Variants in PWP1 observed in about 807,000 individuals in gnomAD.
The protein encoded by PWP1 is PWP1 homolog, endonuclein.
PWP1 carries 47 observed loss-of-function variants against 69.9 expected under a neutral mutation model. The observed-to-expected ratio is 0.67, with a 90% CI of 0.53 to 0.86. The LOEUF (loss-of-function observed/expected upper bound fraction) is 0.86. PWP1 is among the 40% of genes least tolerant of loss of function. PWP1 has a pLI of 0.00. For missense variants in PWP1, 551 were observed against 608.8 expected (o/e 0.91, Z 1.00); for synonymous variants, 222 against 208.2 (o/e 1.07, Z -0.57).
chr12:107,703,328 A>G (rs1218705504), intron 9 of PWP1, among the ~76,000 whole-genome samples: 1 of 152,202 alleles, frequency 6.6e-6, no homozygotes, highest in Non-Finnish European at 1.5e-5. Flanking sequence ...GGTAACACCC[A>G]TTACTGTGTT....
chr12:107,707,226 T>C (rs1406953098), intron 11 of PWP1, among the ~76,000 whole-genome samples: 1 of 152,210 alleles, frequency 6.6e-6, no homozygotes, highest in African/African-American at 2.4e-5. Flanking sequence ...AGAATGCTTG[T>C]GATTTTTGCA....
At chr12:107,693,987 C>A (rs188552990) in intron 5 of PWP1, among the ~76,000 whole-genome samples, 2 of 152,286 alleles carry the variant, frequency 1.3e-5, no homozygotes, top group Non-Finnish European at 2.9e-5. Context: ...ACCTTTCTTA[C>A]TTAAGGAATA....
intron 8 of PWP1, 67 bp downstream of exon 8, chr12:107,699,501 C>T (rs375799398): frequency 1.9e-5 from 24 of 1,264,504 alleles, no homozygotes; most frequent in South Asian, 1.4e-4. Context: ...CTCATGCCTA[C>T]ACTCATCTCT....
chr12:107,690,302 C>T (rs186541650), intron 3 of PWP1, among the ~76,000 whole-genome samples: 2 of 152,256 alleles, frequency 1.3e-5, no homozygotes, highest in Non-Finnish European at 2.9e-5. Flanking sequence ...ATCGCTCAAG[C>T]CCAGGAGTTC....
chr12:107,698,038 T>TA (rs2136277914), intron 7 of PWP1, among the ~76,000 whole-genome samples: 1 of 152,340 alleles, frequency 6.6e-6, no homozygotes, highest in East Asian at 1.9e-4. Flanking sequence ...GCTATATTGA[T>TA]ACTTGTATAA....
chr12:107,693,873 T>TA (rs1381010697), intron 5 of PWP1, among the ~76,000 whole-genome samples: 2 of 152,338 alleles, frequency 1.3e-5, no homozygotes, highest in South Asian at 2.1e-4. Flanking sequence ...GTTTTTTAAA[T>TA]AGAGTTATTT....
chr12:107,686,620 T>G (rs999294995), intron 1 of PWP1, among the ~76,000 whole-genome samples: 1 of 152,154 alleles, frequency 6.6e-6, no homozygotes, highest in Non-Finnish European at 1.5e-5. Context: ...GGATACTAAG[T>G]GCTTTCTGTA....
At chr12:107,709,875 T>C (rs999115776) in intron 13 of PWP1, among the ~76,000 whole-genome samples, 4 of 152,136 alleles carry the variant, frequency 2.6e-5, no homozygotes, top group African/African-American at 9.7e-5. Flanking sequence ...AAGTGCATAA[T>C]TGCCTAAATG....
intron 9 of PWP1, 87 bp from the exon 10 acceptor site, chr12:107,703,598 C>A: frequency 8.9e-7 from 1 of 1,123,668 alleles, no homozygotes; most frequent in Non-Finnish European, 1.4e-6. Flanking sequence ...TATAGAAATA[C>A]TGTCAAATAG....
At chr12:107,698,104 G>A (rs1342327758) in intron 7 of PWP1, among the ~76,000 whole-genome samples, 1 of 152,138 alleles carries the variant, frequency 6.6e-6, no homozygotes. Flanking sequence ...GCTCACTCCT[G>A]TAATCCCAGC....
chr12:107,697,409 T>C, intron 6 of PWP1, 58 bp from the exon 7 acceptor site: 1 of 1,499,116 alleles, frequency 6.7e-7, no homozygotes, highest in Middle Eastern at 1.8e-4. Flanking sequence ...ATGTATTTGA[T>C]TAGAAGTTCT....
rs754348033 is a variant in PWP1, at chr12:107,692,884, T to C, written c.390T>C (p.Val130=). 1 of 1,614,046 alleles carries C rather than the reference T, an allele frequency of 6.2e-7. No individual in the cohort carries two copies. Among genetic ancestry groups the C allele is most frequent in the Non-Finnish European group, 8.5e-7 (1 of 1,179,928 alleles). Residue 130 remains valine, a synonymous_variant, in exon 4 of 15, where the codon GTT becomes GTC. Transcript: ENST00000412830. ...GGAGTAATGATCAAGATCCTTACGTTACTCTGAAAGATACAGTAAGTATTT... is the reference window on the plus strand; with the variant it reads ...GGAGTAATGATCAAGATCCTTACGTCACTCTGAAAGATACAGTAAGTATTT... ...VYGSNDQDPY[V]TLKDTEQYER...
intron 8 of PWP1, among the ~76,000 whole-genome samples, chr12:107,699,789 A>G (rs1429342820): frequency 6.6e-6 from 1 of 152,176 alleles, no homozygotes; most frequent in African/African-American, 2.4e-5. Flanking sequence ...ATACTCTTTT[A>G]TTCTTTTTTC....
At chr12:107,707,587 TTGAGAGTTTTAGCA>T in intron 11 of PWP1, among the ~76,000 whole-genome samples, 1 of 152,318 alleles carries the variant, frequency 6.6e-6, no homozygotes, top group South Asian at 2.1e-4. Flanking sequence ...ACCGAATTTA[TTGAGAGTTTTAGCA>T]TGAAGGGCTG....
Position 107,709,196 on chromosome 12 carries a change from T to TGGC in PWP1, c.1254_1255insGGC (p.Asp418_Arg419insGly). ...TGAAGATCTGGGACATCTTAGGAGA[T>TGGC]AGGCCAAGTCTAGTTCATTCTAGGG... On this transcript the variant is annotated inframe_insertion, in exon 13 of 15. Transcript: ENST00000412830. The TGGC allele has an allele frequency of 6.2e-7, 1 of 1,613,912 alleles. No individual in the cohort carries two copies. The highest frequency in any genetic ancestry group is 8.5e-7 in the Non-Finnish European group (1 of 1,179,842).
chr12:107,708,585 T>C (rs3825257), intron 11 of PWP1, among the ~76,000 whole-genome samples: 97,303 of 152,060 alleles, frequency 0.64, 31,394 homozygotes, highest in East Asian at 0.72. Context: ...CCTCTCTGAC[T>C]CACTTCTGTG....
At position 107,704,698 on chromosome 12, in the gene PWP1, G is replaced by A; in HGVS notation, c.1028G>A (p.Gly343Glu). ...AGCCATCGAATGTGGCGATTCAGTG[G>A]GCAGATAGAGAGAGTGACTTGGAAT... ...DESHRMWRFS[G>E]QIERVTWNHF... The change falls in exon 11 of 15, where the codon GGG (glycine) becomes GAG (glutamate). Residue 343 changes from glycine to glutamate, a missense_variant. Coordinates refer to ENST00000412830, the MANE Select transcript of PWP1 (RefSeq NM_007062.3). 1 of 1,613,990 alleles carries A rather than the reference G, an allele frequency of 6.2e-7. No homozygotes were observed. The highest frequency in any genetic ancestry group is 8.5e-7 in the Non-Finnish European group (1 of 1,179,930).
intron 8 of PWP1, among the ~76,000 whole-genome samples, chr12:107,700,844 T>C (rs1269888447): frequency 6.6e-6 from 1 of 152,242 alleles, no homozygotes; most frequent in Non-Finnish European, 1.5e-5. Context: ...TTTTTCATAA[T>C]AGCCATCCTA....
Position 107,688,727 on chromosome 12 carries a change from G to A in PWP1, c.244G>A (p.Glu82Lys), listed in dbSNP as rs759122398. 2 of 1,614,258 alleles carry A rather than the reference G, an allele frequency of 1.2e-6. No individual in the cohort carries two copies. Among genetic ancestry groups the A allele is most frequent in the Non-Finnish European group, 1.7e-6 (2 of 1,180,056 alleles). ...PREPLEDGDP[E>K]DDRTLDDDEL... ...AGAGCCCCTGGAGGATGGTGACCCA[G>A]AGGATGACAGGACGCTTGATGATGA... The change falls in exon 3 of 15, where the codon GAG (glutamate) becomes AAG (lysine). Residue 82 changes from glutamate to lysine, a missense_variant. Glu to Lys is a moderately conservative substitution (Grantham distance 56, BLOSUM62 1). Coordinates refer to ENST00000412830, the MANE Select transcript of PWP1 (RefSeq NM_007062.3).
Sources: allele counts gnomAD v4.1 joint callset (sites outside exome capture counted in the v4.1 genomes callset), GRCh38; gene constraint gnomAD v4.1.1; transcripts MANE v1.5; gene names NCBI Gene and HGNC (gene_info 2026-07-23, HGNC 2026-07-21).